The following VILL variants were observed in gnomAD, a reference collection of about 807,000 sequenced individuals.
VILL encodes the protein villin-like protein.
Under a neutral mutation model 106.3 loss-of-function variants are expected in VILL, and 102 were observed. The ratio of observed to expected loss-of-function variants is 0.96; its 90% CI spans 0.82 to 1.13. The LOEUF (loss-of-function observed/expected upper bound fraction) is 1.13, where lower values mean the gene tolerates loss of function less well. VILL is among the 50% of genes most tolerant of loss of function. VILL has a pLI of 0.00. For missense variants in VILL, 1,076 were observed against 1,116.6 expected, an observed-to-expected ratio of 0.96 and a Z score of 0.52; for synonymous variants, 431 against 440.3, an observed-to-expected ratio of 0.98 and a Z score of 0.27.
chr3:38,006,924 CCT>C lies in VILL; in HGVS notation c.2458-12_2458-11del. 6.2e-7 allele frequency: 1 copy of C among 1,605,516 alleles called. No homozygotes were observed. The highest frequency in any genetic ancestry group is 1.1e-5 in the South Asian group (1 of 90,732). The stretch of plus-strand genomic sequence containing the variant: ...GATGACACCCTACCCTGTACCTCCC[CCT>C]CTCTCCCCTGCCCAGTTCTATCTCT... On this transcript the variant is annotated splice_polypyrimidine_tract_variant and intron_variant, in intron 19 of 19. Transcript: ENST00000383759.
Position 37,997,981 on chromosome 3 carries a change from C to T in VILL, c.765-109C>T. The stretch of plus-strand genomic sequence containing the variant: ...AAGACTACAACTCGGGGCCCCAGCC[C>T]CCATGCCTTCTGTCTCTGAGGGACT... On this transcript the variant is annotated intron_variant, in intron 7 of 19. Coordinates refer to ENST00000383759, the MANE Select transcript of VILL (RefSeq NM_015873.4). This position sits in a 1 kb window ranked among gnomAD's most constrained non-coding sequence, Gnocchi z 4.7. 8.3e-7 allele frequency: 1 copy of T among 1,198,020 alleles called. No individual in the cohort carries two copies. The highest frequency in any genetic ancestry group is 1.2e-6 in the Non-Finnish European group (1 of 861,558). The allele number at this position is 1,198,020 out of a possible 1,614,324, so 74.2% of individuals were successfully genotyped here. A position where few individuals can be genotyped will look rare whatever the true frequency, so the allele number is the denominator to read the frequency against.
chr3:37,999,708 T>G (rs1001764507), intron 11 of VILL, among the ~76,000 whole-genome samples: 11 of 152,130 alleles, frequency 7.2e-5, no homozygotes, highest in African/African-American at 2.7e-4. Context: ...TAGTCACATG[T>G]AGGACAAAAT....
In VILL at chr3:37,999,332, C is replaced by G. The variant is rs748566702; in HGVS notation, c.1082-7C>G. 7 of 1,511,368 alleles carry G rather than the reference C, an allele frequency of 4.6e-6. No homozygotes were observed. The highest frequency in any genetic ancestry group is 2.9e-5 in the African/African-American group (2 of 69,104). 93.6% of individuals were successfully genotyped at this position (1,511,368 alleles called of 1,614,324 possible). A position where few individuals can be genotyped will look rare whatever the true frequency, so the allele number is the denominator to read the frequency against. ...GGCGCCACTGACGCCTACTGTCCCC[C>G]CTTCAGATAAATCGATTCATGTAAA... On this transcript the variant is annotated splice_region_variant and splice_polypyrimidine_tract_variant and intron_variant, in intron 10 of 19. Transcript: ENST00000383759.
At chr3:38,004,073 C>A in intron 15 of VILL, 182 bp from the exon 16 acceptor site, 1 of 689,016 alleles carries the variant, frequency 1.5e-6, no homozygotes, top group Non-Finnish European at 2.3e-6. Context: ...TCTCCATGAG[C>A]AGAGAGGGAC....
At position 37,999,333 on chromosome 3, in the gene VILL, C is replaced by A. The variant is rs571101843; in HGVS notation, c.1082-6C>A. ...GCGCCACTGACGCCTACTGTCCCCCCTTCAGATAAATCGATTCATGTAAAG... is the reference window on the plus strand; with the variant it reads ...GCGCCACTGACGCCTACTGTCCCCCATTCAGATAAATCGATTCATGTAAAG... On this transcript the variant is annotated splice_region_variant and splice_polypyrimidine_tract_variant and intron_variant, in intron 10 of 19. Transcript: ENST00000383759. 6.0e-6 allele frequency: 9 copies of A among 1,512,290 alleles called. No individual in the cohort carries two copies. In the East Asian group the frequency reaches 2.2e-4, roughly 38 times the overall value. 93.7% of individuals were successfully genotyped at this position (1,512,290 alleles called of 1,614,324 possible). A position where few individuals can be genotyped will look rare whatever the true frequency, so the allele number is the denominator to read the frequency against.
Position 37,998,148 on chromosome 3 carries a change from C to T in VILL, c.823C>T (p.Gln275Ter). 6.2e-7 allele frequency: 1 copy of T among 1,613,966 alleles called. No homozygotes were observed. The highest frequency in any genetic ancestry group is 2.2e-5 in the East Asian group (1 of 44,874). ...VLELATPPLTQDLLQEEDFYI... is the reference protein window; with the variant it reads ...VLELATPPLT ...GGAGTTGGCGACCCCCCCACTGACC[C>T]AGGACCTGCTGCAGGAGGAGGTGAG... is the stretch of plus-strand genomic sequence containing the variant. Residue 275 changes from glutamine (Q) to a stop codon, truncating the protein, a stop_gained, in exon 8 of 20, where the codon CAG becomes TAG. Transcript: ENST00000383759. LOFTEE classifies it high-confidence loss of function. The surrounding 1 kb of genome is among the most constrained non-coding windows in gnomAD (Gnocchi z 4.1).
chr3:38,003,265 A>G lies in VILL; in HGVS notation c.1757A>G (p.His586Arg). 1 of 1,613,604 alleles carries G rather than the reference A, an allele frequency of 6.2e-7. No homozygotes were observed. The highest frequency in any genetic ancestry group is 8.5e-7 in the Non-Finnish European group (1 of 1,179,802). The change falls in exon 15 of 20, where the codon CAC becomes CGC. Residue 586 changes from histidine to arginine, a missense_variant. His to Arg is a conservative substitution (Grantham distance 29). Coordinates refer to ENST00000383759, the MANE Select transcript of VILL (RefSeq NM_015873.4). ...GTGCTGGAGGGTCAGGAGCCTCCCC[A>G]CTTCTGGGAGGCCCTGGGAGGCCGG... ...ETVLEGQEPP[H>R]FWEALGGRAP...
At chr3:37,991,918 G>C (rs1699616594) in intron 1 of VILL, among the ~76,000 whole-genome samples, 1 of 152,098 alleles carries the variant, frequency 6.6e-6, no homozygotes, top group East Asian at 1.9e-4. Context: ...CCAGGTGAAA[G>C]AGAATGAACA....
At chr3:38,004,538 A>C in intron 16 of VILL, 139 bp downstream of exon 16, 1 of 1,117,814 alleles carries the variant, frequency 8.9e-7, no homozygotes, top group Non-Finnish European at 1.3e-6. Context: ...GAGCAATTGC[A>C]TTGCGGTGCA....
At chr3:37,996,139 A>G (rs1023885564) in intron 5 of VILL, among the ~76,000 whole-genome samples, 1 of 152,154 alleles carries the variant, frequency 6.6e-6, no homozygotes, top group Non-Finnish European at 1.5e-5. Flanking sequence ...GTGATTCATG[A>G]TGACACCACT....
At chr3:38,003,519 A>G (rs1431472638) in intron 15 of VILL, 7 of 636,712 alleles carry the variant, frequency 1.1e-5, no homozygotes, top group Non-Finnish European at 1.8e-5. Context: ...GATGCTGGGG[A>G]GAGTGGGGGC....
At chr3:37,995,604 T>C in intron 4 of VILL, 135 bp from the exon 5 acceptor site, 1 of 670,800 alleles carries the variant, frequency 1.5e-6, no homozygotes, top group Non-Finnish European at 2.6e-6. Flanking sequence ...CATACATGTG[T>C]TCACACAGAC....
In VILL at chr3:37,997,620, C is replaced by G. The variant is rs933495872; in HGVS notation, c.699C>G (p.Ser233Arg). 6.2e-6 allele frequency: 10 copies of G among 1,613,292 alleles called. No individual in the cohort carries two copies. The highest frequency in any genetic ancestry group is 8.5e-6 in the Non-Finnish European group (10 of 1,179,958). ...MEAVLGRRVGSLRAATPSKDI... is the reference protein window; with the variant it reads ...MEAVLGRRVGRLRAATPSKDI... ...CTGTGCTGGGCCGCAGGGTGGGCAG[C>G]CTGCGTGCCGCCACGCCCAGCAAGG... The change falls in exon 7 of 20, where the codon AGC becomes AGG. Residue 233 changes from serine (S) to arginine (R), a missense_variant. Transcript: ENST00000383759. The surrounding 1 kb of genome is among the most constrained non-coding windows in gnomAD (Gnocchi z 4.7).
At chr3:37,995,389 A>G (rs1272331206) in intron 4 of VILL, among the ~76,000 whole-genome samples, 6 of 152,210 alleles carry the variant, frequency 3.9e-5, no homozygotes, top group Admixed American at 3.3e-4. Flanking sequence ...GTGAATATCC[A>G]TGTTCACCTA....
chr3:38,005,620 T>A (rs537929723), intron 16 of VILL, among the ~76,000 whole-genome samples, 172 bp from the exon 17 acceptor site: 4 of 152,326 alleles, frequency 2.6e-5, no homozygotes, highest in Non-Finnish European at 1.5e-5. Flanking sequence ...TCCTGTGACC[T>A]TCTCGTGTGT....
At position 37,993,928 on chromosome 3, in the gene VILL, G is replaced by C; in HGVS notation, c.91G>C (p.Ala31Pro). ...NRKMVPVPEG[A>P]YGNFFEEHCY... ...GAAGATGGTGCCGGTACCCGAGGGG[G>C]CTTACGGGAACTTTTTTGAGGAACA... The change falls in exon 3 of 20, where the codon GCT becomes CCT. Residue 31 changes from alanine to proline, a missense_variant. Physicochemically the swap from Ala to Pro is conservative, Grantham distance 27. Coordinates refer to ENST00000383759, the MANE Select transcript of VILL (RefSeq NM_015873.4). 6.2e-7 allele frequency: 1 copy of C among 1,614,196 alleles called. No homozygotes were observed. Among genetic ancestry groups the C allele is most frequent in the Non-Finnish European group, 8.5e-7 (1 of 1,180,030 alleles).
At chr3:38,003,995 C>T (rs1406967245) in intron 15 of VILL, 2 of 393,826 alleles carry the variant, frequency 5.1e-6, no homozygotes, top group Non-Finnish European at 4.6e-6. Context: ...CCCTCCCCTA[C>T]CCCTGCAGCC....
intron 3 of VILL, 121 bp from the exon 4 acceptor site, chr3:37,994,140 T>C: frequency 1.4e-6 from 2 of 1,415,982 alleles, no homozygotes; most frequent in Non-Finnish European, 1.9e-6. Context: ...TCCCTCCCAC[T>C]TCCTGATCTC....
Position 37,997,187 on chromosome 3 carries a change from GGT to G in VILL, c.561+1_561+2del. On this transcript the variant is annotated splice_donor_variant, in intron 6 of 19. Transcript: ENST00000383759. LOFTEE classifies it high-confidence loss of function. This position sits in a 1 kb window ranked among gnomAD's most constrained non-coding sequence, Gnocchi z 4.7. ...AGACCAGCATTTCTGAGAAGGCTCG[GGT>G]CAGTGTCTGCCCAAGGAACTGGGGA... The G allele has an allele frequency of 6.2e-7, 1 of 1,614,016 alleles. No homozygotes were observed. The highest frequency in any genetic ancestry group is 8.5e-7 in the Non-Finnish European group (1 of 1,179,934).
Sources: allele counts gnomAD v4.1 joint callset (sites outside exome capture counted in the v4.1 genomes callset), GRCh38; gene constraint gnomAD v4.1.1; non-coding constraint Gnocchi (gnomAD v3.1); transcripts MANE v1.5; gene names NCBI Gene and HGNC (gene_info 2026-07-23, HGNC 2026-07-21).